The following AHNAK variants were observed in gnomAD, a reference collection of about 807,000 sequenced individuals.
AHNAK encodes neuroblast differentiation-associated protein AHNAK.
In AHNAK, 23 loss-of-function variants were observed where a neutral mutation model predicts 37.8. The observed-to-expected ratio is 0.61, with a 90% CI of 0.44 to 0.86. The LOEUF is 0.86. Ranked by LOEUF, AHNAK falls within the 40% of genes least tolerant of loss-of-function variation. The probability of loss-of-function intolerance (pLI) is 0.00; values close to 1 mark genes in which losing one functional copy is unlikely to be tolerated. For synonymous variants in AHNAK, 2,481 were observed against 2,636.3 expected, an observed-to-expected ratio of 0.94 and a Z score of 1.80; for missense variants, 7,411 against 7,319.4, an observed-to-expected ratio of 1.01 and a Z score of -0.46.
intron 1 of AHNAK, among the ~76,000 whole-genome samples, chr11:62,544,218 C>G (rs1941230100): frequency 6.6e-6 from 1 of 152,168 alleles, no homozygotes; most frequent in Admixed American, 6.5e-5. Flanking sequence ...GACCCCCAGC[C>G]AACTCCGTAC....
chr11:62,542,246 A>G (rs771815365), intron 1 of AHNAK, among the ~76,000 whole-genome samples: 26 of 151,778 alleles, frequency 1.7e-4, no homozygotes, highest in Middle Eastern at 3.4e-3. Flanking sequence ...GGCTCACAAT[A>G]GACAGTTGTC....
intron 5 of AHNAK, among the ~76,000 whole-genome samples, chr11:62,483,142 A>C (rs767557185): frequency 4.4e-4 from 67 of 152,192 alleles, no homozygotes; most frequent in Non-Finnish European, 8.5e-4. Flanking sequence ...CAGCCGAGTG[A>C]CAGAAGACCC....
intron 5 of AHNAK, among the ~76,000 whole-genome samples, chr11:62,472,095 G>GT (rs1939047738): frequency 6.6e-6 from 1 of 151,684 alleles, no homozygotes; most frequent in African/African-American, 2.4e-5. Context: ...GGCTGGCTCC[G>GT]TATCAGTCCT....
At chr11:62,513,201 G>A (rs1280628738), downstream of AHNAK, among the ~76,000 whole-genome samples, 3 of 152,158 alleles carry the variant, frequency 2.0e-5, no homozygotes, top group Admixed American at 2.0e-4. Context: ...CAGGAACCAG[G>A]ACCTTAGAGT....
intron 4 of AHNAK, among the ~76,000 whole-genome samples, chr11:62,504,199 AAAG>A (rs914575706): frequency 2.6e-5 from 4 of 152,034 alleles, no homozygotes; most frequent in Non-Finnish European, 5.9e-5. Flanking sequence ...AAAAAGAAAG[AAAG>A]AAAGAGAGAG....
At position 62,521,352 on chromosome 11, in the gene AHNAK, A is replaced by C; in HGVS notation, c.13065T>G (p.Asp4355Glu). 2.5e-6 allele frequency: 4 copies of C among 1,613,654 alleles called. No homozygotes were observed. The highest frequency in any genetic ancestry group is 3.4e-6 in the Non-Finnish European group (4 of 1,179,950). The change falls in exon 5 of 5, where the codon GAT (aspartate) becomes GAG (glutamate). Residue 4355 changes from aspartate to glutamate, a missense_variant. Transcript: ENST00000378024. ...GACCTTCGATACTGACATCAGGGGC[A>C]TCAATGTCCACTTTGGGGCCAGAAA... ...IEISGPKVDIDAPDVSIEGPD... is the reference protein window; with the variant it reads ...IEISGPKVDIEAPDVSIEGPD...
chr11:62,518,528 C>G lies in AHNAK; in HGVS notation c.15889G>C (p.Val5297Leu). 6.2e-7 allele frequency: 1 copy of G among 1,614,164 alleles called. No individual in the cohort carries two copies. The highest frequency in any genetic ancestry group is 8.5e-7 in the Non-Finnish European group (1 of 1,180,040). The stretch of plus-strand genomic sequence containing the variant: ...TTCAGATCAAGGTCAGGCCCAGAGA[C>G]TTTTGGCATAGAGAGGTTCACTGAA... ...LPSVNLSMPKVSGPDLDLNLK... is the reference protein window; with the variant it reads ...LPSVNLSMPKLSGPDLDLNLK... Residue 5297 changes from valine to leucine, a missense_variant, in exon 5 of 5, where the codon GTC (valine) becomes CTC (leucine). Coordinates refer to ENST00000378024, the MANE Select transcript of AHNAK (RefSeq NM_001620.3).
At chr11:62,541,649 A>G (rs1941127571) in intron 1 of AHNAK, among the ~76,000 whole-genome samples, 1 of 152,246 alleles carries the variant, frequency 6.6e-6, no homozygotes, top group Non-Finnish European at 1.5e-5. Flanking sequence ...CTGATGTGCC[A>G]GGGACTGTGT....
intron 4 of AHNAK, among the ~76,000 whole-genome samples, chr11:62,504,428 C>T (rs1328629937): frequency 6.6e-6 from 1 of 152,124 alleles, no homozygotes; most frequent in Non-Finnish European, 1.5e-5. Flanking sequence ...AGACAATCCG[C>T]ACTGGCTGCC....
At position 62,490,913 on chromosome 11, in the gene AHNAK, G is replaced by A. The variant is rs149628045; in HGVS notation, c.442+819C>T. 7.1e-3 allele frequency among the ~76,000 whole-genome samples: 1,076 copies of A among 151,950 alleles called. 10 individuals are homozygous for A. The highest frequency in any genetic ancestry group is 0.011 in the Non-Finnish European group (765 of 67,960). On this transcript the variant is annotated intron_variant, in intron 5 of 5. Transcript: ENST00000257247. ...AGCAATTCTCCTGTCTCAGCCTCCC[G>A]AGTAGCTGGGATTACAGGTGCCTGC...
Position 62,516,289 on chromosome 11 carries a change from C to T in AHNAK, c.*455G>A, listed in dbSNP as rs1381119848. ...TTTGCTGTTTGAACAGATCCAGTCT[C>T]AGGAAAGAGGAAGACCTGACCTCCG... On this transcript the variant is annotated 3_prime_UTR_variant, in exon 5 of 5. Coordinates refer to ENST00000378024, the MANE Select transcript of AHNAK (RefSeq NM_001620.3). The T allele has an allele frequency of 7.8e-7, 1 of 1,289,346 alleles. No individual in the cohort carries two copies. Among genetic ancestry groups the T allele is most frequent in the South Asian group, 1.2e-5 (1 of 81,022 alleles). 79.9% of individuals were successfully genotyped at this position (1,289,346 alleles called of 1,614,324 possible).
chr11:62,505,359 G>A (rs1487268316), intron 4 of AHNAK, among the ~76,000 whole-genome samples: 1 of 152,170 alleles, frequency 6.6e-6, no homozygotes, highest in African/African-American at 2.4e-5. Flanking sequence ...TTCGGCCAAT[G>A]GGGTGTGGCC....
intron 5 of AHNAK, among the ~76,000 whole-genome samples, chr11:62,444,505 G>C (rs980355317): frequency 6.6e-6 from 1 of 152,268 alleles, no homozygotes; most frequent in African/African-American, 2.4e-5. Flanking sequence ...GATTAGGCAG[G>C]GTTGGCTGAC....
In AHNAK at chr11:62,526,558, A is replaced by C; in HGVS notation, c.7859T>G (p.Val2620Gly). ...GPEVDIKGPK[V>G]DINAPDVGVQ... ...ACCCACATCTGGGGCATTAATATCC[A>C]CTTTGGGCCCCTTGATGTCAACTTC... Residue 2620 changes from valine to glycine, a missense_variant, in exon 5 of 5, where the codon GTG becomes GGG. Physicochemically the swap from Val to Gly is moderately radical, Grantham distance 109 (BLOSUM62 -3). Transcript: ENST00000378024. 8 of 1,610,348 alleles carry C rather than the reference A, an allele frequency of 5.0e-6. No homozygotes were observed. Among genetic ancestry groups the C allele is most frequent in the Non-Finnish European group, 6.8e-6 (8 of 1,179,090 alleles).
intron 4 of AHNAK, among the ~76,000 whole-genome samples, chr11:62,500,562 G>A (rs1335820475): frequency 6.6e-6 from 1 of 152,188 alleles, no homozygotes; most frequent in African/African-American, 2.4e-5. Flanking sequence ...ACAGGGCGTG[G>A]TATGTGGCTC....
intron 5 of AHNAK, among the ~76,000 whole-genome samples, chr11:62,464,738 G>A (rs1174524329): frequency 6.6e-6 from 1 of 152,128 alleles, no homozygotes; most frequent in African/African-American, 2.4e-5. Context: ...GGCTGAGGTA[G>A]GTGGATCCCT....
intron 1 of AHNAK, chr11:62,541,942 T>G (rs956328735): frequency 1.3e-5 from 2 of 152,206 alleles, no homozygotes; most frequent in African/African-American, 4.8e-5. Flanking sequence ...TGCCACATTC[T>G]AACCGGAGCA....
Position 62,517,241 on chromosome 11 carries a change from C to A in AHNAK, c.17176G>T (p.Gly5726Cys), listed in dbSNP as rs1322744147. 2 of 1,614,198 alleles carry A rather than the reference C, an allele frequency of 1.2e-6. No homozygotes were observed. Among genetic ancestry groups the A allele is most frequent in the South Asian group, 1.1e-5 (1 of 91,078 alleles). The change falls in exon 5 of 5, where the codon GGT (glycine) becomes TGT (cysteine). Residue 5726 changes from glycine (G) to cysteine (C), a missense_variant. Transcript: ENST00000378024. ...GCTTCTGGTGAGCCAGTGACACCAC[C>A]TTTCCCTTTAGGTTTGGAAAAATTA... ...KFNFSKPKGK[G>C]GVTGSPEASI...
At chr11:62,459,482 C>T (rs1238011002) in intron 5 of AHNAK, among the ~76,000 whole-genome samples, 1 of 152,128 alleles carries the variant, frequency 6.6e-6, no homozygotes, top group Non-Finnish European at 1.5e-5. Context: ...GCCCTGGCCC[C>T]TCATTTCTCA....
Sources: gnomAD v4.1 joint callset for allele counts (sites outside exome capture counted in the v4.1 genomes callset) on GRCh38, gnomAD v4.1.1 for gene constraint, MANE v1.5 for transcripts, NCBI Gene and HGNC (gene_info 2026-07-23, HGNC 2026-07-21) for gene names.